Variants in TENM2 observed in about 807,000 individuals in gnomAD.
TENM2 encodes teneurin-2.
TENM2 carries 52 observed loss-of-function variants against 245.2 expected under a neutral mutation model. The ratio of observed to expected loss-of-function variants is 0.21; its 90% CI spans 0.17 to 0.27. TENM2 has a LOEUF of 0.27. Ranked by LOEUF, TENM2 falls within the 10% of genes least tolerant of loss-of-function variation. The probability of loss-of-function intolerance (pLI) is 1.00; values close to 1 mark genes in which losing one functional copy is unlikely to be tolerated. For synonymous variants in TENM2, 1,363 were observed against 1,438.9 expected, an observed-to-expected ratio of 0.95 and a Z score of 1.19; for missense variants, 3,046 against 3,666.8, an observed-to-expected ratio of 0.83 and a Z score of 4.37.
At chr5:167,952,438 C>G in intron 3 of TENM2, 150 bp from the exon 6 acceptor site, 1 of 634,632 alleles carries the variant, frequency 1.6e-6, no homozygotes, top group Non-Finnish European at 2.8e-6. Context: ...CTCTGGGATG[C>G]CTGCCGCAGT....
At chr5:167,961,795 G>A (rs899077952) in intron 4 of TENM2, among the ~76,000 whole-genome samples, 21 of 152,222 alleles carry the variant, frequency 1.4e-4, no homozygotes, top group African/African-American at 5.1e-4. Flanking sequence ...TATGAGCCAT[G>A]TTGGATGAAA....
At chr5:167,204,627 T>C in the TENM2 span, among the ~76,000 whole-genome samples, 1 of 152,206 alleles carries the variant, frequency 6.6e-6, no homozygotes, top group Non-Finnish European at 1.5e-5. Flanking sequence ...GAATTCACTG[T>C]GATGCCAGGG....
chr5:168,206,462 A>T (rs1342657540), intron 19 of TENM2, among the ~76,000 whole-genome samples: 1 of 152,204 alleles, frequency 6.6e-6, no homozygotes, highest in South Asian at 2.1e-4. Context: ...CACCTGGGGA[A>T]GTCAGTGCAG....
At chr5:168,047,349 G>A (rs1395130926) in intron 5 of TENM2, 78 bp from the exon 8 acceptor site, 1 of 1,514,792 alleles carries the variant, frequency 6.6e-7, no homozygotes, top group Non-Finnish European at 9.0e-7. Context: ...GCTTGGAAAA[G>A]GGCACCTGGC....
At chr5:167,063,209 TAA>T in the TENM2 span, among the ~76,000 whole-genome samples, 1 of 152,178 alleles carries the variant, frequency 6.6e-6, no homozygotes, top group East Asian at 1.9e-4. Context: ...TCTCCAGAGA[TAA>T]ACCTTGTCTT....
At chr5:167,193,265 C>G in the TENM2 span, among the ~76,000 whole-genome samples, 1 of 152,000 alleles carries the variant, frequency 6.6e-6, no homozygotes, top group African/African-American at 2.4e-5. Context: ...TTCTTGACAC[C>G]TTGGGGTACA....
chr5:167,345,760 A>G lies in TENM2; in HGVS notation c.227-29438A>G, dbSNP rs1270671679. On this transcript the variant is annotated intron_variant, in intron 1 of 28. Transcript: ENST00000518659. ...CAAAAGAACATGAATCAGAATCTCA[A>G]TGTAGGAGGGAATGTTATTTGGCAA... Among the ~76,000 whole-genome samples, 3 of 152,154 alleles carry G rather than the reference A, an allele frequency of 2.0e-5. No individual in the cohort carries two copies. The East Asian group carries it at 5.8e-4, about 29-fold the overall frequency.
chr5:167,411,291 ATCATCTGAGG>A (rs1417631645), intron 2 of TENM2, among the ~76,000 whole-genome samples: 4 of 152,126 alleles, frequency 2.6e-5, no homozygotes, highest in Admixed American at 2.0e-4. Context: ...GCTATTTCTG[ATCATCTGAGG>A]TACTGGATTT....
the TENM2 span, among the ~76,000 whole-genome samples, chr5:167,093,992 C>T: frequency 5.3e-5 from 8 of 152,026 alleles, no homozygotes; most frequent in South Asian, 2.1e-4. Flanking sequence ...TATGGAATGG[C>T]GATGTCTCAG....
At chr5:167,932,380 C>T (rs965341230) in intron 3 of TENM2, among the ~76,000 whole-genome samples, 1 of 152,122 alleles carries the variant, frequency 6.6e-6, no homozygotes, top group Non-Finnish European at 1.5e-5. Flanking sequence ...TCAGGGTCTT[C>T]TTCCATCTTA....
chr5:167,344,319 T>G (rs1758325189), intron 1 of TENM2, among the ~76,000 whole-genome samples: 1 of 143,982 alleles, frequency 6.9e-6, no homozygotes, highest in South Asian at 2.2e-4. Flanking sequence ...CATATATATA[T>G]ATATATATAT....
At chr5:167,746,390 T>C (rs1005412382) in intron 2 of TENM2, among the ~76,000 whole-genome samples, 1 of 152,160 alleles carries the variant, frequency 6.6e-6, no homozygotes, top group African/African-American at 2.4e-5. Context: ...CATGGATACA[T>C]AGATCGATGC....
Position 167,631,584 on chromosome 5 carries a change from A to G in TENM2, c.503-244402A>G, listed in dbSNP as rs555880319. On this transcript the variant is annotated intron_variant, in intron 2 of 28. Coordinates refer to ENST00000518659, the Ensembl canonical transcript of TENM2. ...GAGCGAACTCATGACTGCTCCTCCA[A>G]TGTGGAGTTCTTAAAAGCACAGAAA... 4.6e-5 allele frequency among the ~76,000 whole-genome samples: 7 copies of G among 152,242 alleles called. No homozygotes were observed. The East Asian group carries it at 1.2e-3, about 25-fold the overall frequency.
chr5:167,561,542 T>A (rs1436655456), intron 2 of TENM2, among the ~76,000 whole-genome samples: 1 of 152,190 alleles, frequency 6.6e-6, no homozygotes, highest in East Asian at 1.9e-4. Context: ...AAAATAAATG[T>A]CCTTACAGCT....
intron 5 of TENM2, among the ~76,000 whole-genome samples, chr5:168,043,669 C>T (rs1326083783): frequency 6.6e-6 from 1 of 152,214 alleles, no homozygotes; most frequent in Non-Finnish European, 1.5e-5. Flanking sequence ...CAATCCCAAA[C>T]TCTCAGTGGC....
chr5:168,203,839 G>T lies in TENM2; in HGVS notation c.3574+7G>T. ...ATCCTCAATGTTAAAAGTGGTACGT[G>T]AACACATCTTCTTTCCCAAATACAG... On this transcript the variant is annotated splice_region_variant and intron_variant, in intron 18 of 28. Transcript: ENST00000518659. The T allele has an allele frequency of 6.3e-7, 1 of 1,597,328 alleles. No individual in the cohort carries two copies. Among genetic ancestry groups the T allele is most frequent in the South Asian group, 1.1e-5 (1 of 89,234 alleles).
At chr5:167,105,221 A>G in the TENM2 span, among the ~76,000 whole-genome samples, 1 of 152,238 alleles carries the variant, frequency 6.6e-6, no homozygotes, top group African/African-American at 2.4e-5. Context: ...TTAAGAGGCT[A>G]AATTCTCATG....
the TENM2 span, among the ~76,000 whole-genome samples, chr5:167,005,655 GTTTTT>G: frequency 2.3e-4 from 12 of 52,978 alleles, no homozygotes; most frequent in South Asian, 9.0e-4. Flanking sequence ...CTGTGTGTGG[GTTTTT>G]TTTTTTTTTT....
At chr5:167,188,515 A>G in the TENM2 span, among the ~76,000 whole-genome samples, 4 of 152,152 alleles carry the variant, frequency 2.6e-5, no homozygotes, top group African/African-American at 7.2e-5. Context: ...CCCTTCACTC[A>G]GTATAAAAGG....
Sources: allele counts gnomAD v4.1 joint callset (sites outside exome capture counted in the v4.1 genomes callset), GRCh38; gene constraint gnomAD v4.1.1; transcripts MANE v1.5; gene names NCBI Gene and HGNC (gene_info 2026-07-23, HGNC 2026-07-21).